The following LDAH variants were observed in gnomAD, a reference collection of about 807,000 sequenced individuals.
LDAH encodes the protein lipid droplet-associated hydrolase.
Under a neutral mutation model 29.6 loss-of-function variants are expected in LDAH, and 26 were observed. That is an observed-to-expected ratio of 0.88 (90% CI 0.64 to 1.22). The LOEUF (loss-of-function observed/expected upper bound fraction) is 1.22. Among genes scored for constraint, LDAH ranks in the 50% most tolerant of loss-of-function variants. The probability of loss-of-function intolerance (pLI) is 0.00; values close to 1 mark genes in which losing one functional copy is unlikely to be tolerated. For missense variants in LDAH, 344 were observed against 387.3 expected, an observed-to-expected ratio of 0.89 and a Z score of 0.94; for synonymous variants, 117 against 133.0, an observed-to-expected ratio of 0.88 and a Z score of 0.83.
intron 4 of LDAH, among the ~76,000 whole-genome samples, chr2:20,769,436 G>A (rs1669259891): frequency 6.6e-6 from 1 of 152,152 alleles, no homozygotes; most frequent in Middle Eastern, 3.2e-3. Context: ...TATCTCAACT[G>A]TTAAACATAG....
Position 20,816,367 on chromosome 2 carries a change from T to G in LDAH, c.-3+6670A>C, listed in dbSNP as rs372868439. ...TTCTTTTTTAAAAGACCCAAGCATA[T>G]AGCGTCTATAAGAAATTCACTAAAA... On this transcript the variant is annotated intron_variant, in intron 1 of 6. Coordinates refer to ENST00000237822, the MANE Select transcript of LDAH (RefSeq NM_021925.4). Among the ~76,000 whole-genome samples, 205 of 152,180 alleles carry G rather than the reference T, an allele frequency of 1.3e-3. 3 individuals are homozygous for G. The South Asian group carries it at 0.037, about 28-fold the overall frequency.
At chr2:20,682,916 T>C (rs1255692449), downstream of LDAH, among the ~76,000 whole-genome samples, 1 of 152,192 alleles carries the variant, frequency 6.6e-6, no homozygotes, top group East Asian at 1.9e-4. Context: ...AGTGAGACAC[T>C]GTGAAGGTGC....
At chr2:20,722,268 C>T (rs550117475) in intron 5 of LDAH, among the ~76,000 whole-genome samples, 30 of 144,146 alleles carry the variant, frequency 2.1e-4, no homozygotes, top group African/African-American at 4.9e-4. Flanking sequence ...TGGCTACTGG[C>T]GGGGGAAGGT....
chr2:20,819,274 G>A (rs896674165), intron 1 of LDAH, among the ~76,000 whole-genome samples: 1 of 151,990 alleles, frequency 6.6e-6, no homozygotes, highest in African/African-American at 2.4e-5. Context: ...TTAATGCCAA[G>A]AATTTCACAA....
intron 4 of LDAH, among the ~76,000 whole-genome samples, chr2:20,752,034 G>A (rs902642609): frequency 2.0e-5 from 3 of 152,048 alleles, no homozygotes; most frequent in African/African-American, 7.2e-5. Context: ...TGGAACTACA[G>A]GTGTGCGCCA....
intron 5 of LDAH, among the ~76,000 whole-genome samples, chr2:20,715,599 T>C (rs923001462): frequency 2.0e-5 from 3 of 152,204 alleles, no homozygotes; most frequent in Non-Finnish European, 2.9e-5. Context: ...TTGTCCCTGT[T>C]TGCAGATGAC....
intron 1 of LDAH, among the ~76,000 whole-genome samples, chr2:20,817,521 TTA>T: frequency 6.6e-6 from 1 of 152,274 alleles, no homozygotes; most frequent in Non-Finnish European, 1.5e-5. Context: ...AAATATATAA[TTA>T]TATACTTTAA....
At chr2:20,767,621 G>A (rs533908574) in intron 4 of LDAH, among the ~76,000 whole-genome samples, 76 of 152,356 alleles carry the variant, frequency 5.0e-4, no homozygotes, top group African/African-American at 1.7e-3. Context: ...CTGGGCAGAA[G>A]AGGGAGGATC....
chr2:20,734,101 T>C (rs571020084), intron 5 of LDAH, among the ~76,000 whole-genome samples: 1 of 152,332 alleles, frequency 6.6e-6, no homozygotes, highest in Admixed American at 6.5e-5. Flanking sequence ...ATCTACTTTA[T>C]CTGATATTAA....
At position 20,742,436 on chromosome 2, in the gene LDAH, C is replaced by T. The variant is rs142323484; in HGVS notation, c.469-2231G>A. ...ATGATAGTGGATGCATATATTTATG[C>T]TTGTAGTTCTATCAGTTTTTGCCTC... On this transcript the variant is annotated intron_variant, in intron 4 of 6. Coordinates refer to ENST00000237822, the MANE Select transcript of LDAH (RefSeq NM_021925.4). Among the ~76,000 whole-genome samples the T allele has an allele frequency of 6.2e-3, 944 of 152,278 alleles. 9 individuals carry two copies. The highest frequency in any genetic ancestry group is 0.022 in the African/African-American group (897 of 41,544).
Position 20,686,707 on chromosome 2 carries a change from T to G in LDAH, c.*196A>C. 1 of 487,426 alleles carries G rather than the reference T, an allele frequency of 2.1e-6. No homozygotes were observed. The highest frequency in any genetic ancestry group is 2.9e-5 in the South Asian group (1 of 34,886). 30.2% of individuals were successfully genotyped at this position (487,426 alleles called of 1,614,324 possible). A position where few individuals can be genotyped will look rare whatever the true frequency, so the allele number is the denominator to read the frequency against. ...TCCCTGAGTCTTGGAAAATGTATGG[T>G]TAAACCTATGGAATGATTCATCAAC... On this transcript the variant is annotated 3_prime_UTR_variant, in exon 7 of 7. Transcript: ENST00000237822.
intron 3 of LDAH, among the ~76,000 whole-genome samples, chr2:20,780,581 T>C (rs1670126617): frequency 6.6e-6 from 1 of 151,994 alleles, no homozygotes; most frequent in Non-Finnish European, 1.5e-5. Flanking sequence ...ATAAATGAAG[T>C]AGGAAACTGA....
chr2:20,761,847 C>T (rs1482091574), intron 4 of LDAH, among the ~76,000 whole-genome samples: 1 of 149,280 alleles, frequency 6.7e-6, no homozygotes, highest in Non-Finnish European at 1.5e-5. Context: ...GTAACATGAA[C>T]AAATCACCTT....
chr2:20,800,430 GC>G (rs1671581386), intron 2 of LDAH, among the ~76,000 whole-genome samples: 1 of 152,104 alleles, frequency 6.6e-6, no homozygotes, highest in African/African-American at 2.4e-5. Context: ...TGAAAAATGG[GC>G]AAGGGTTTCG....
At position 20,747,628 on chromosome 2, in the gene LDAH, T is replaced by A. The variant is rs541367505; in HGVS notation, c.469-7423A>T. On this transcript the variant is annotated intron_variant, in intron 4 of 6. Coordinates refer to ENST00000237822, the MANE Select transcript of LDAH (RefSeq NM_021925.4). ...GCTTAGTAAGCTTATTTACTAAGTATGCAGTTTATAAACTGCAAATGCCAT... is the reference window on the plus strand; with the variant it reads ...GCTTAGTAAGCTTATTTACTAAGTAAGCAGTTTATAAACTGCAAATGCCAT... Among the ~76,000 whole-genome samples, 5 of 152,310 alleles carry A rather than the reference T, an allele frequency of 3.3e-5. No individual in the cohort carries two copies. The South Asian group carries it at 1.0e-3, about 32-fold the overall frequency.
Position 20,816,514 on chromosome 2 carries a change from A to G in LDAH, c.-3+6523T>C, listed in dbSNP as rs2125161955. 1.3e-5 allele frequency among the ~76,000 whole-genome samples: 2 copies of G among 152,232 alleles called. 1 individual carries two copies. Among genetic ancestry groups the G allele is most frequent in the South Asian group, 4.1e-4 (2 of 4,830 alleles). ...AGTAGACTTCAGAGCAAAGAAAATT[A>G]TTGTACAAAGATACAAGGATTAATT... On this transcript the variant is annotated intron_variant, in intron 1 of 6. Coordinates refer to ENST00000237822, the MANE Select transcript of LDAH (RefSeq NM_021925.4).
intron 3 of LDAH, among the ~76,000 whole-genome samples, chr2:20,776,528 T>C (rs960006178): frequency 1.3e-5 from 2 of 152,282 alleles, no homozygotes; most frequent in East Asian, 1.9e-4. Context: ...ATTTCCATAG[T>C]ACTATTAATC....
At chr2:20,725,788 T>G (rs1405822741) in intron 5 of LDAH, among the ~76,000 whole-genome samples, 1 of 152,182 alleles carries the variant, frequency 6.6e-6, no homozygotes, top group Non-Finnish European at 1.5e-5. Flanking sequence ...AGTAGGCCTT[T>G]TGCCTTTCTC....
In LDAH at chr2:20,811,622, C is replaced by G. The variant is rs577196390; in HGVS notation, c.-2-10157G>C. On this transcript the variant is annotated intron_variant, in intron 1 of 6. Transcript: ENST00000237822. ...GCCTCAGCCTCCCGAGTAGCTGGGA[C>G]GACAGGCGCCTGCCACCATGCCTGG... Among the ~76,000 whole-genome samples, 17 of 151,752 alleles carry G rather than the reference C, an allele frequency of 1.1e-4. 1 individual carries two copies. In the South Asian group the frequency reaches 3.6e-3, roughly 32 times the overall value.
Sources: allele counts gnomAD v4.1 joint callset (sites outside exome capture counted in the v4.1 genomes callset), GRCh38; gene constraint gnomAD v4.1.1; transcripts MANE v1.5; gene names NCBI Gene and HGNC (gene_info 2026-07-23, HGNC 2026-07-21).